Variants in KIF6 observed in about 807,000 individuals in gnomAD.
KIF6 encodes the protein kinesin family member 6.
Under a neutral mutation model 112.7 loss-of-function variants are expected in KIF6, and 106 were observed. The ratio of observed to expected loss-of-function variants is 0.94; its 90% confidence interval spans 0.80 to 1.11. The LOEUF (loss-of-function observed/expected upper bound fraction) is 1.11. Among genes scored for constraint, KIF6 ranks in the 50% least tolerant of loss-of-function variants. The pLI, the probability that KIF6 is intolerant of heterozygous loss-of-function variation, is 0.00. For synonymous variants in KIF6, 339 were observed against 339.9 expected (o/e 1.00, Z 0.03); for missense variants, 929 against 964.0 (o/e 0.96, Z 0.48).
chr6:39,700,013 T>C (rs1788783513), intron 3 of KIF6, among the ~76,000 whole-genome samples: 1 of 152,228 alleles, frequency 6.6e-6, no homozygotes, highest in Non-Finnish European at 1.5e-5. Context: ...TTTTTAGCTT[T>C]TTAATTTTTG....
intron 13 of KIF6, among the ~76,000 whole-genome samples, chr6:39,529,118 A>C (rs546598528): frequency 2.0e-5 from 3 of 152,344 alleles, no homozygotes; most frequent in African/African-American, 7.2e-5. Flanking sequence ...GCAGAAGAAC[A>C]AAACCGGATG....
chr6:39,695,631 T>C (rs758133946), intron 3 of KIF6, among the ~76,000 whole-genome samples: 2 of 152,176 alleles, frequency 1.3e-5, no homozygotes, highest in African/African-American at 2.4e-5. Context: ...ATTGCTATTA[T>C]TAAAAAGTCA....
In KIF6 at chr6:39,378,016, G is replaced by C. The variant is rs1007112054; in HGVS notation, c.1861+7606C>G. ...TGGAACTTGTTGATCTTAAGTTTAA[G>C]ATATTTTCTTTTTTTAATTAATACT... On this transcript the variant is annotated intron_variant, in intron 16 of 22. Coordinates refer to ENST00000287152, the MANE Select transcript of KIF6 (RefSeq NM_145027.6). This position sits in a 1 kb window ranked among gnomAD's most constrained non-coding sequence, Gnocchi z 5.0. Among the ~76,000 whole-genome samples the C allele has an allele frequency of 6.6e-6, 1 of 152,134 alleles. No individual in the cohort carries two copies. Among genetic ancestry groups the C allele is most frequent in the African/African-American group, 2.4e-5 (1 of 41,420 alleles).
intron 9 of KIF6, 127 bp from the exon 10 acceptor site, chr6:39,578,286 G>T: frequency 1.7e-6 from 1 of 601,606 alleles, no homozygotes; most frequent in Non-Finnish European, 3.0e-6. Context: ...GGTATAAAAA[G>T]CCAGCTTTGT....
At chr6:39,412,976 A>AC (rs1222351171) in intron 15 of KIF6, among the ~76,000 whole-genome samples, 2 of 151,372 alleles carry the variant, frequency 1.3e-5, no homozygotes, top group Non-Finnish European at 3.0e-5. Context: ...TTTTGGAAAA[A>AC]AAAAATCTGA....
intron 3 of KIF6, among the ~76,000 whole-genome samples, chr6:39,644,998 C>T (rs1311671504): frequency 6.6e-6 from 1 of 152,078 alleles, no homozygotes; most frequent in Non-Finnish European, 1.5e-5. Context: ...GTGAGATAAA[C>T]ATTTTTGTTC....
At chr6:39,503,849 G>GAAAAAA (rs772144009) in intron 13 of KIF6, among the ~76,000 whole-genome samples, 4 of 81,920 alleles carry the variant, frequency 4.9e-5, no homozygotes, top group Admixed American at 1.4e-4. Flanking sequence ...CAACCAACCA[G>GAAAAAA]AAAAAAAAAA....
chr6:39,590,472 T>C (rs1276412229), intron 7 of KIF6, among the ~76,000 whole-genome samples: 1 of 137,830 alleles, frequency 7.3e-6, no homozygotes, highest in Non-Finnish European at 1.6e-5. Context: ...TTTTTTGAGA[T>C]GGAGGTTTCA....
At chr6:39,461,006 A>C (rs1581908360) in intron 13 of KIF6, among the ~76,000 whole-genome samples, 1 of 152,198 alleles carries the variant, frequency 6.6e-6, no homozygotes, top group Non-Finnish European at 1.5e-5. Flanking sequence ...TATTAACTTC[A>C]TTCTTGCATT....
intron 13 of KIF6, among the ~76,000 whole-genome samples, chr6:39,533,336 A>G (rs1778188525): frequency 1.3e-5 from 2 of 152,216 alleles, no homozygotes; most frequent in Non-Finnish European, 2.9e-5. Context: ...ATGGGCTTAA[A>G]AAACGGTGCA....
At chr6:39,372,681 A>AT (rs1385701780) in intron 16 of KIF6, among the ~76,000 whole-genome samples, 1 of 152,182 alleles carries the variant, frequency 6.6e-6, no homozygotes, top group African/African-American at 2.4e-5. Context: ...CTGCAGTTTC[A>AT]TTTTTTAATT....
rs567582124 is a variant in KIF6, at chr6:39,358,114, C to T, written c.2083-740G>A. 4.6e-5 allele frequency among the ~76,000 whole-genome samples: 7 copies of T among 152,360 alleles called. No individual in the cohort carries two copies. In the East Asian group the frequency reaches 9.6e-4, roughly 21 times the overall value. On this transcript the variant is annotated intron_variant, in intron 18 of 22. Coordinates refer to ENST00000287152, the MANE Select transcript of KIF6 (RefSeq NM_145027.6). ...CAGCTCTGCAAGCTGCATGTCCCCA[C>T]ATAGGCCTCAAGAGCAAGGCATAGA... is the stretch of plus-strand genomic sequence containing the variant.
At chr6:39,404,845 TA>T (rs1768973037) in intron 15 of KIF6, among the ~76,000 whole-genome samples, 3 of 151,956 alleles carry the variant, frequency 2.0e-5, no homozygotes, top group Admixed American at 2.0e-4. Flanking sequence ...TGATTTTTTT[TA>T]TTAGAGTTTG....
At chr6:39,477,283 C>T (rs1774484632) in intron 13 of KIF6, among the ~76,000 whole-genome samples, 1 of 152,166 alleles carries the variant, frequency 6.6e-6, no homozygotes, top group Admixed American at 6.6e-5. Flanking sequence ...ACAGAAAAAT[C>T]CCCAAACAGG....
rs1023833547 is a variant in KIF6 at position 39,711,084 on chromosome 6, T to TA, written c.251+3607dup. On this transcript the variant is annotated intron_variant, in intron 3 of 22. Coordinates refer to ENST00000287152, the MANE Select transcript of KIF6 (RefSeq NM_145027.6). ...TAAATAAATAAAAATGAGATCACTT[T>TA]AAAAAAAAAAGAAAGAATTTTTTTT... Among the ~76,000 whole-genome samples the TA allele has an allele frequency of 6.5e-3, 938 of 143,914 alleles. 8 individuals are homozygous for TA. The highest frequency in any genetic ancestry group is 0.022 in the African/African-American group (889 of 39,520). The allele number at this position is 143,914 out of a possible 152,430, so 94.4% of individuals were successfully genotyped here.
At chr6:39,374,423 A>G (rs1206144835) in intron 16 of KIF6, among the ~76,000 whole-genome samples, 1 of 152,200 alleles carries the variant, frequency 6.6e-6, no homozygotes, top group Non-Finnish European at 1.5e-5. Context: ...GGAAACAATC[A>G]ACAGACTAAA....
At position 39,366,076 on chromosome 6, in the gene KIF6, C is replaced by T. The variant is rs891652659; in HGVS notation, c.1862-3558G>A. Among the ~76,000 whole-genome samples the T allele has an allele frequency of 7.9e-5, 12 of 152,374 alleles. No individual in the cohort carries two copies. The East Asian group carries it at 2.3e-3, about 29-fold the overall frequency. On this transcript the variant is annotated intron_variant, in intron 16 of 22. Coordinates refer to ENST00000287152, the MANE Select transcript of KIF6 (RefSeq NM_145027.6). ...GGTTCCCTGGCAGGTCACAGAGTCT[C>T]AGGTGCCCTGGAAGTGTGTGGGGTG...
chr6:39,714,470 G>A (rs1789718034), intron 3 of KIF6, among the ~76,000 whole-genome samples: 1 of 152,090 alleles, frequency 6.6e-6, no homozygotes, highest in African/African-American at 2.4e-5. Flanking sequence ...ACAATAGCTA[G>A]TCTATTTTGC....
chr6:39,403,748 T>C (rs1443983790), intron 15 of KIF6, among the ~76,000 whole-genome samples: 1 of 152,362 alleles, frequency 6.6e-6, no homozygotes, highest in East Asian at 1.9e-4. Context: ...CCATTTTGCA[T>C]GCTGACTAGC....
Sources: gnomAD v4.1 joint callset for allele counts (sites outside exome capture counted in the v4.1 genomes callset) on GRCh38, gnomAD v4.1.1 for gene constraint, Gnocchi (gnomAD v3.1) non-coding constraint, MANE v1.5 for transcripts, NCBI Gene and HGNC (gene_info 2026-07-23, HGNC 2026-07-21) for gene names.